The following SPRED2 variants were observed in gnomAD, a reference collection of about 807,000 sequenced individuals.
SPRED2 encodes sprouty related EVH1 domain containing 2.
Under a neutral mutation model 43.0 loss-of-function variants are expected in SPRED2, and 47 were observed. The ratio of observed to expected loss-of-function variants is 1.09; its 90% CI spans 0.87 to 1.40. The LOEUF (loss-of-function observed/expected upper bound fraction) is 1.40. SPRED2 is among the 40% of genes most tolerant of loss of function. The pLI, the probability that SPRED2 is intolerant of heterozygous loss-of-function variation, is 0.00. For synonymous variants in SPRED2, 225 were observed against 225.7 expected (o/e 1.00, Z 0.03); for missense variants, 561 against 586.4 (o/e 0.96, Z 0.45).
intron 1 of SPRED2, among the ~76,000 whole-genome samples, chr2:65,352,118 T>C (rs906159468): frequency 3.9e-5 from 6 of 152,208 alleles, no homozygotes; most frequent in African/African-American, 1.4e-4. Context: ...AAAACAGTGT[T>C]AACGAAAGCT....
intron 1 of SPRED2, among the ~76,000 whole-genome samples, chr2:65,368,491 A>G (rs971073364): frequency 3.3e-5 from 5 of 152,232 alleles, no homozygotes; most frequent in African/African-American, 1.2e-4. Flanking sequence ...TTGTAGTCTA[A>G]TTTGAGTTTC....
At position 65,334,818 on chromosome 2, in the gene SPRED2, T is replaced by C. The variant is rs1355119662; in HGVS notation, c.205-45A>G. On this transcript the variant is annotated intron_variant, in intron 2 of 5. Transcript: ENST00000356388. ...AGGCTGGTTACTAGTGGAACAGCCA[T>C]GATGATGTCTGGTTACAGAAGTCTA... 7.5e-6 allele frequency: 12 copies of C among 1,596,522 alleles called. No individual in the cohort carries two copies. In the Middle Eastern group the frequency reaches 6.6e-4, roughly 88 times the overall value.
chr2:65,363,916 C>T (rs2104322984), intron 1 of SPRED2, among the ~76,000 whole-genome samples: 1 of 152,208 alleles, frequency 6.6e-6, no homozygotes, highest in East Asian at 1.9e-4. Flanking sequence ...AAAAATTGTT[C>T]CACTAAAATA....
chr2:65,431,238 C>T (rs1676680833), intron 1 of SPRED2, among the ~76,000 whole-genome samples: 1 of 151,654 alleles, frequency 6.6e-6, no homozygotes, highest in South Asian at 2.1e-4. Context: ...CACGCGCGCC[C>T]CCAGCGCGAT....
At position 65,388,500 on chromosome 2, in the gene SPRED2, A is replaced by C. The variant is rs572309626; in HGVS notation, c.26+43462T>G. Among the ~76,000 whole-genome samples, 10 of 152,236 alleles carry C rather than the reference A, an allele frequency of 6.6e-5. No individual in the cohort carries two copies. The South Asian group carries it at 2.1e-3, about 32-fold the overall frequency. ...CCCATGGGCTTACGGCTCCATTTTC[A>C]GTGACTTCTTGAGCCCATAAGAGTA... On this transcript the variant is annotated intron_variant, in intron 1 of 5. Transcript: ENST00000356388.
rs1422649474 is a variant in SPRED2, at chr2:65,329,222, TAAA to T, written c.438+2762_438+2764del. Among the ~76,000 whole-genome samples, 3 of 152,226 alleles carry T rather than the reference TAAA, an allele frequency of 2.0e-5. No individual in the cohort carries two copies. The East Asian group carries it at 5.8e-4, about 29-fold the overall frequency. On this transcript the variant is annotated intron_variant, in intron 4 of 5. Coordinates refer to ENST00000356388, the MANE Select transcript of SPRED2 (RefSeq NM_181784.3). ...GGGAAGCTGTGGACCACATGTGAGC[TAAA>T]GCAGTGCTCATGTCCCTGGCTCTAG...
chr2:65,389,147 T>G (rs1056788303), intron 1 of SPRED2, among the ~76,000 whole-genome samples: 1 of 152,074 alleles, frequency 6.6e-6, no homozygotes. Context: ...GAGGAATCCA[T>G]CTGGCCAGGC....
At chr2:65,328,085 T>G (rs1673700230) in intron 4 of SPRED2, among the ~76,000 whole-genome samples, 1 of 152,192 alleles carries the variant, frequency 6.6e-6, no homozygotes, top group South Asian at 2.1e-4. Flanking sequence ...TAATTTATAT[T>G]TTCAAACTAT....
At chr2:65,397,520 T>C (rs568457522) in intron 1 of SPRED2, among the ~76,000 whole-genome samples, 5 of 152,292 alleles carry the variant, frequency 3.3e-5, no homozygotes, top group East Asian at 3.9e-4. Flanking sequence ...GATAATTTCT[T>C]GGTCCATCAC....
intron 1 of SPRED2, among the ~76,000 whole-genome samples, chr2:65,421,403 T>C (rs76707106): frequency 0.02 from 3,088 of 152,316 alleles, 92 homozygotes; most frequent in African/African-American, 0.07. Flanking sequence ...CCATGAACCC[T>C]CAGTGGCATA....
intron 1 of SPRED2, among the ~76,000 whole-genome samples, chr2:65,366,417 T>A (rs1185236807): frequency 6.6e-6 from 1 of 152,208 alleles, no homozygotes; most frequent in African/African-American, 2.4e-5. Flanking sequence ...GACCAGAGGT[T>A]ACCTATCTGT....
chr2:65,414,616 A>T (rs147599193), intron 1 of SPRED2, among the ~76,000 whole-genome samples: 298 of 152,344 alleles, frequency 2.0e-3, no homozygotes, highest in African/African-American at 6.6e-3. Context: ...CTGCCAGGTC[A>T]TTCAGACTTC....
At chr2:65,314,295 G>A in intron 5 of SPRED2, 126 bp from the exon 6 acceptor site, 1 of 881,278 alleles carries the variant, frequency 1.1e-6, no homozygotes, top group Middle Eastern at 3.1e-4. Flanking sequence ...CCATCACGAT[G>A]CTCCGTGAAG....
In SPRED2 at chr2:65,311,968, C is replaced by G. The variant is rs1022899440; in HGVS notation, c.*1533G>C. 3 of 985,290 alleles carry G rather than the reference C, an allele frequency of 3.0e-6. No individual in the cohort carries two copies. Among genetic ancestry groups the G allele is most frequent in the Admixed American group, 6.2e-5 (1 of 16,258 alleles). 61.0% of individuals were successfully genotyped at this position (985,290 alleles called of 1,614,324 possible). On this transcript the variant is annotated 3_prime_UTR_variant, in exon 6 of 6. Coordinates refer to ENST00000356388, the MANE Select transcript of SPRED2 (RefSeq NM_181784.3). ...GGAGCAGGCCATGTCTTCTGCTGGC[C>G]GCTACCACAGAAAGATCGTGGCGGG...
intron 1 of SPRED2, among the ~76,000 whole-genome samples, chr2:65,380,008 G>A (rs1246706454): frequency 6.6e-6 from 1 of 152,196 alleles, no homozygotes; most frequent in Non-Finnish European, 1.5e-5. Context: ...ATACAAGGAG[G>A]TTGAGTGCTT....
At chr2:65,395,918 T>C (rs977171872) in intron 1 of SPRED2, among the ~76,000 whole-genome samples, 4 of 152,182 alleles carry the variant, frequency 2.6e-5, no homozygotes, top group South Asian at 4.1e-4. Flanking sequence ...CACTTTTTTT[T>C]CCTAAACTTT....
rs754539336 is a variant in SPRED2, at chr2:65,316,846, C to T, written c.476G>A (p.Arg159Lys). The change falls in exon 5 of 6, where the codon AGA becomes AAA. Residue 159 changes from arginine (R) to lysine (K), a missense_variant. Transcript: ENST00000356388. ...GGAGATTGTCCGAGTAGGTTGCTCT[C>T]TCTTCTGAGAGGAATTAGAAGAACT... Reference protein sequence around the residue: ...TDSSSNSSQKREQPTRTISSP... With the variant: ...TDSSSNSSQKKEQPTRTISSP... 103 of 1,613,826 alleles carry T rather than the reference C, an allele frequency of 6.4e-5. No individual in the cohort carries two copies. Among genetic ancestry groups the T allele is most frequent in the Non-Finnish European group, 8.3e-5 (98 of 1,180,002 alleles).
chr2:65,347,835 G>C (rs1309086900), intron 1 of SPRED2, among the ~76,000 whole-genome samples: 1 of 152,000 alleles, frequency 6.6e-6, no homozygotes, highest in Admixed American at 6.6e-5. Flanking sequence ...CATCCTTCTA[G>C]TTCTCTCTTC....
chr2:65,375,260 T>C (rs559410987), intron 1 of SPRED2, among the ~76,000 whole-genome samples: 5 of 152,336 alleles, frequency 3.3e-5, no homozygotes, highest in African/African-American at 1.2e-4. Flanking sequence ...TGGCACTCCA[T>C]CACAGGAACA....
Sources: gnomAD v4.1 joint callset for allele counts (sites outside exome capture counted in the v4.1 genomes callset) on GRCh38, gnomAD v4.1.1 for gene constraint, MANE v1.5 for transcripts, NCBI Gene and HGNC (gene_info 2026-07-23, HGNC 2026-07-21) for gene names.